Variants in ASH1L observed in about 807,000 individuals in gnomAD.
ASH1L encodes the protein ASH1 like histone lysine methyltransferase.
Under a neutral mutation model 269.0 loss-of-function variants are expected in ASH1L, and 23 were observed. That is an observed-to-expected ratio of 0.09 (90% CI 0.06 to 0.12). The LOEUF is 0.12. Among genes scored for constraint, ASH1L ranks in the 10% least tolerant of loss-of-function variants. ASH1L has a pLI of 1.00. For synonymous variants in ASH1L, 1,187 were observed against 1,253.5 expected, an observed-to-expected ratio of 0.95 and a Z score of 1.12; for missense variants, 2,912 against 3,567.8, an observed-to-expected ratio of 0.82 and a Z score of 4.68.
chr1:155,502,071 C>CTTT (rs769262562), intron 2 of ASH1L, among the ~76,000 whole-genome samples: 5 of 126,424 alleles, frequency 4.0e-5, no homozygotes, highest in Admixed American at 8.1e-5. Context: ...CTTTTCTTTT[C>CTTT]TTTTTTTTTT....
intron 5 of ASH1L, chr1:155,433,484 A>C (rs1489887789): frequency 6.8e-6 from 11 of 1,610,614 alleles, no homozygotes; most frequent in Non-Finnish European, 8.5e-6. Context: ...AGCAGGAGTC[A>C]GGGTGGAGAG....
chr1:155,421,500 G>A (rs1378507334), intron 5 of ASH1L, among the ~76,000 whole-genome samples: 2 of 151,156 alleles, frequency 1.3e-5, no homozygotes, highest in Non-Finnish European at 2.9e-5. Flanking sequence ...GTGAAACCCC[G>A]TCTCTTCTAA....
chr1:155,357,591 C>T lies in ASH1L; in HGVS notation c.6954G>A (p.Lys2318=). The T allele has an allele frequency of 6.2e-7, 1 of 1,614,012 alleles. No homozygotes were observed. The highest frequency in any genetic ancestry group is 1.3e-5 in the African/African-American group (1 of 75,022). Residue 2318 remains lysine, a synonymous_variant, in exon 14 of 28, where the codon AAG becomes AAA. Transcript: ENST00000392403. The part of the protein sequence containing the change: ...KEKRKSKHKL[K]KRRGHLSEEP... ...TCATTAGATAATTATTCACCCTTTT[C>T]TTCAGCTTGTGCTTAGACTTTCTCT...
chr1:155,521,114 A>G lies in ASH1L; in HGVS notation c.406T>C (p.Cys136Arg). The G allele has an allele frequency of 1.3e-6, 2 of 1,597,914 alleles. No individual in the cohort carries two copies. Among genetic ancestry groups the G allele is most frequent in the South Asian group, 1.2e-5 (1 of 86,836 alleles). Reference sequence around the variant, plus strand: ...ATTCTACTTACTCGTTTTGAAGGACAGTGTTCATTCTTTTCATCCGTCATC... The same window carrying G: ...ATTCTACTTACTCGTTTTGAAGGACGGTGTTCATTCTTTTCATCCGTCATC... ...GKMTDEKNEH[C>R]PSKRDPSKLY... The change falls in exon 2 of 28, where the codon TGT becomes CGT. Residue 136 changes from cysteine to arginine, a missense_variant. Physicochemically the swap from Cys to Arg is radical, Grantham distance 180 (BLOSUM62 -3). Transcript: ENST00000392403.
Position 155,521,579 on chromosome 1 carries a change from A to G in ASH1L, c.-60T>C, listed in dbSNP as rs1668891833. On this transcript the variant is annotated 5_prime_UTR_variant, in exon 2 of 28. Coordinates refer to ENST00000392403, the MANE Select transcript of ASH1L (RefSeq NM_018489.3). ...AAATTTTACAGAACTGTGTTCCATA[A>G]AAAACAAGGATCTCCAAAACTCGAA... The G allele has an allele frequency of 1.4e-6, 2 of 1,475,470 alleles. No individual in the cohort carries two copies. Among genetic ancestry groups the G allele is most frequent in the Admixed American group, 4.4e-5 (2 of 45,174 alleles). The allele number at this position is 1,475,470 out of a possible 1,614,324, so 91.4% of individuals were successfully genotyped here.
At chr1:155,402,013 C>A (rs551787581) in intron 6 of ASH1L, among the ~76,000 whole-genome samples, 1 of 151,994 alleles carries the variant, frequency 6.6e-6, no homozygotes, top group East Asian at 1.9e-4. Flanking sequence ...CTGCTTGAAC[C>A]CAGGAGGTGG....
chr1:155,445,619 C>A (rs1048948719), intron 4 of ASH1L, among the ~76,000 whole-genome samples: 1 of 152,154 alleles, frequency 6.6e-6, no homozygotes, highest in Non-Finnish European at 1.5e-5. Context: ...TGAGCCACCA[C>A]GGCTGGCCTC....
At chr1:155,555,323 C>T (rs1311946959) in intron 1 of ASH1L, among the ~76,000 whole-genome samples, 2 of 151,126 alleles carry the variant, frequency 1.3e-5, no homozygotes, top group African/African-American at 2.4e-5. Flanking sequence ...ATGGTGAAAC[C>T]CGGTCTCTAC....
chr1:155,371,779 C>T (rs1006272367), intron 10 of ASH1L, among the ~76,000 whole-genome samples: 22 of 150,190 alleles, frequency 1.5e-4, no homozygotes, highest in African/African-American at 3.9e-4. Context: ...CTGCAAACTC[C>T]GCTTCCCAGG....
In ASH1L at chr1:155,337,556, G is replaced by GC. The variant is rs1652415580; in HGVS notation, c.*103dup. On this transcript the variant is annotated 3_prime_UTR_variant, in exon 28 of 28. Coordinates refer to ENST00000392403, the MANE Select transcript of ASH1L (RefSeq NM_018489.3). ...TCAACAACATGGCCCCATTCCCCTT[G>GC]CCCAGATGGACCCTTCCCACCCCTG... The GC allele has an allele frequency of 2.2e-6, 2 of 905,776 alleles. No homozygotes were observed. The highest frequency in any genetic ancestry group is 3.6e-6 in the Non-Finnish European group (2 of 555,090). 56.1% of individuals were successfully genotyped at this position (905,776 alleles called of 1,614,324 possible).
At chr1:155,345,035 C>G (rs1045498909) in intron 21 of ASH1L, among the ~76,000 whole-genome samples, 1 of 152,054 alleles carries the variant, frequency 6.6e-6, no homozygotes, top group African/African-American at 2.4e-5. Context: ...CGACCCACTG[C>G]AACTTCCGCC....
chr1:155,352,664 G>C (rs1654037726), intron 17 of ASH1L, 42 bp downstream of exon 17: 1 of 1,531,464 alleles, frequency 6.5e-7, no homozygotes, highest in Non-Finnish European at 8.7e-7. Context: ...AAAAGAAAAA[G>C]AAAAAGAAAA....
intron 1 of ASH1L, among the ~76,000 whole-genome samples, chr1:155,558,353 C>T (rs1403772704): frequency 1.3e-5 from 2 of 152,054 alleles, no homozygotes; most frequent in African/African-American, 2.4e-5. Context: ...CACCTGTAAT[C>T]CCAGCTATTG....
intron 6 of ASH1L, among the ~76,000 whole-genome samples, chr1:155,407,020 T>A (rs1449957605): frequency 6.6e-6 from 1 of 151,926 alleles, no homozygotes; most frequent in Admixed American, 6.6e-5. Context: ...AAAAGGGGAA[T>A]TGAACCAGCC....
At chr1:155,518,667 C>T (rs2148834925) in intron 2 of ASH1L, among the ~76,000 whole-genome samples, 1 of 110,064 alleles carries the variant, frequency 9.1e-6, no homozygotes, top group African/African-American at 3.6e-5. Context: ...CCACAATGTG[C>T]TACAGCTTGA....
intron 10 of ASH1L, among the ~76,000 whole-genome samples, chr1:155,372,465 C>T (rs895832979): frequency 1.3e-5 from 2 of 151,862 alleles, no homozygotes; most frequent in South Asian, 2.1e-4. Context: ...TGCACCACTA[C>T]GCCCAGCTAA....
At chr1:155,339,914 TAGGA>T (rs777638590) in intron 25 of ASH1L, among the ~76,000 whole-genome samples, 12 of 152,130 alleles carry the variant, frequency 7.9e-5, no homozygotes, top group Non-Finnish European at 1.6e-4. Flanking sequence ...CACTAGATGA[TAGGA>T]AGGAATTCTT....
intron 1 of ASH1L, among the ~76,000 whole-genome samples, chr1:155,559,385 A>C (rs1316423220): frequency 1.3e-5 from 2 of 151,970 alleles, no homozygotes; most frequent in African/African-American, 2.4e-5. Context: ...AAAATACAAA[A>C]TTAGCAGGGC....
In ASH1L at chr1:155,521,321, T is replaced by C. The variant is rs1252120318; in HGVS notation, c.199A>G (p.Thr67Ala). The C allele has an allele frequency of 6.2e-7, 1 of 1,614,062 alleles. No homozygotes were observed. The highest frequency in any genetic ancestry group is 1.3e-5 in the African/African-American group (1 of 74,936). Residue 67 changes from threonine to alanine, a missense_variant, in exon 2 of 28, where the codon ACT becomes GCT. By Grantham distance (58) the Thr-to-Ala change is moderately conservative. This residue lies in a region of ASH1L where 115 missense variants were observed against 101.5 expected (regional missense o/e 1.13). Coordinates refer to ENST00000392403, the MANE Select transcript of ASH1L (RefSeq NM_018489.3). ...NIEAGKDDGL[T>A]DAQQQFSVKE... The stretch of plus-strand genomic sequence containing the variant: ...ACTGAAAACTGTTGCTGTGCATCAG[T>C]CAAACCATCATCTTTCCCAGCTTCG...
Sources: gnomAD v4.1 joint callset for allele counts (sites outside exome capture counted in the v4.1 genomes callset) on GRCh38, gnomAD v4.1.1 for gene constraint, gnomAD v4.1.1 regional missense constraint, MANE v1.5 for transcripts, NCBI Gene and HGNC (gene_info 2026-07-23, HGNC 2026-07-21) for gene names.